The following TAPT1 variants were observed in gnomAD, a reference collection of about 807,000 sequenced individuals.
TAPT1 encodes the protein transmembrane anterior posterior transformation 1.
TAPT1 carries 28 observed loss-of-function variants against 65.6 expected under a neutral mutation model. The ratio of observed to expected loss-of-function variants is 0.43; its 90% CI spans 0.32 to 0.59. The LOEUF (loss-of-function observed/expected upper bound fraction) is 0.59. Ranked by LOEUF, TAPT1 falls within the 20% of genes least tolerant of loss-of-function variation. The probability of loss-of-function intolerance (pLI) is 0.09; values close to 1 mark genes in which losing one functional copy is unlikely to be tolerated. For synonymous variants in TAPT1, 278 were observed against 245.2 expected (o/e 1.13, Z -1.25); for missense variants, 563 against 679.9 (o/e 0.83, Z 1.91).
chr4:16,181,601 T>A (rs572345013), intron 7 of TAPT1, among the ~76,000 whole-genome samples: 85 of 152,366 alleles, frequency 5.6e-4, no homozygotes, highest in African/African-American at 2.0e-3. Context: ...AAGATTTTTT[T>A]ATTTTTTTGA....
At chr4:16,215,861 G>C (rs1316691336) in intron 1 of TAPT1, among the ~76,000 whole-genome samples, 2 of 152,094 alleles carry the variant, frequency 1.3e-5, no homozygotes, top group African/African-American at 4.8e-5. Context: ...TTCAAGGTGA[G>C]AAAAAGAAAA....
intron 3 of TAPT1, among the ~76,000 whole-genome samples, chr4:16,199,739 G>C (rs1333915204): frequency 6.6e-6 from 1 of 152,046 alleles, no homozygotes; most frequent in Admixed American, 6.6e-5. Flanking sequence ...CTACATGTAT[G>C]TGCCACCACA....
chr4:16,184,876 T>A (rs1748910510), intron 7 of TAPT1, among the ~76,000 whole-genome samples: 2 of 152,260 alleles, frequency 1.3e-5, no homozygotes, highest in Admixed American at 6.5e-5. Flanking sequence ...ACAAAATCTA[T>A]CGTCAGATAT....
At chr4:16,217,393 G>A (rs114549323) in intron 1 of TAPT1, among the ~76,000 whole-genome samples, 1,727 of 152,198 alleles carry the variant, frequency 0.011, 16 homozygotes, top group Middle Eastern at 0.017. Context: ...AAATGGAAAG[G>A]GAAGTGACTA....
chr4:16,215,687 G>C (rs1445261666), intron 1 of TAPT1, among the ~76,000 whole-genome samples: 1 of 152,188 alleles, frequency 6.6e-6, no homozygotes, highest in Admixed American at 6.5e-5. Context: ...TACAGTTGAA[G>C]TCACATGGGT....
chr4:16,179,546 A>G, intron 8 of TAPT1, 31 bp downstream of exon 8: 2 of 1,341,076 alleles, frequency 1.5e-6, no homozygotes, highest in Non-Finnish European at 2.0e-6. Flanking sequence ...AAGTAAAATT[A>G]TAAGACACTG....
intron 1 of TAPT1, among the ~76,000 whole-genome samples, chr4:16,224,810 C>G (rs543627854): frequency 2.4e-4 from 36 of 152,326 alleles, no homozygotes; most frequent in African/African-American, 7.7e-4. Context: ...AGTGATACTG[C>G]AAGCTCAAGA....
Position 16,163,160 on chromosome 4 carries a change from C to T in TAPT1, c.*148G>A, listed in dbSNP as rs534391578. 1.4e-6 allele frequency: 1 copy of T among 689,870 alleles called. No individual in the cohort carries two copies. Among genetic ancestry groups the T allele is most frequent in the South Asian group, 1.7e-5 (1 of 59,036 alleles). 42.7% of individuals were successfully genotyped at this position (689,870 alleles called of 1,614,324 possible). A position where few individuals can be genotyped will look rare whatever the true frequency, so the allele number is the denominator to read the frequency against. On this transcript the variant is annotated 3_prime_UTR_variant, in exon 14 of 14. Coordinates refer to ENST00000405303, the MANE Select transcript of TAPT1 (RefSeq NM_153365.3). The stretch of plus-strand genomic sequence containing the variant: ...TCTGACCCTCAGCCAGGCCATATTA[C>T]TGGAAGAAAGATACTAAGATTTGCT...
At chr4:16,224,637 A>T (rs1751444411) in intron 1 of TAPT1, among the ~76,000 whole-genome samples, 1 of 152,188 alleles carries the variant, frequency 6.6e-6, no homozygotes, top group Non-Finnish European at 1.5e-5. Context: ...CAACAGCTAA[A>T]CCTGGAGGCA....
rs1253199742 is a variant in TAPT1, at chr4:16,161,630, A to G, written c.*1678T>C. ...ATGGGGCTCCATTAAAACACACACA[A>G]AGCAATTAAAACCTTTTTCATTTTT... On this transcript the variant is annotated 3_prime_UTR_variant, in exon 14 of 14. Transcript: ENST00000405303. 1 of 152,602 alleles carries G rather than the reference A, an allele frequency of 6.6e-6. No individual in the cohort carries two copies. The highest frequency in any genetic ancestry group is 6.5e-5 in the Admixed American group (1 of 15,302). The allele number at this position is 152,602 out of a possible 1,614,324, so 9.5% of individuals were successfully genotyped here.
At chr4:16,194,924 G>T (rs1749610367) in intron 3 of TAPT1, among the ~76,000 whole-genome samples, 1 of 149,858 alleles carries the variant, frequency 6.7e-6, no homozygotes, top group Admixed American at 6.6e-5. Context: ...TACAGACAGG[G>T]TTTCACCATG....
chr4:16,194,717 C>A (rs1486751455), intron 3 of TAPT1, among the ~76,000 whole-genome samples: 1 of 151,920 alleles, frequency 6.6e-6, no homozygotes, highest in Non-Finnish European at 1.5e-5. Context: ...TTCTGTGCAC[C>A]CCCTGCTCTG....
At chr4:16,220,860 A>T (rs535629165) in intron 1 of TAPT1, among the ~76,000 whole-genome samples, 1 of 151,672 alleles carries the variant, frequency 6.6e-6, no homozygotes, top group African/African-American at 2.4e-5. Flanking sequence ...ACAGGGTCTC[A>T]CTCTGTTGCC....
At chr4:16,178,634 T>C (rs1748502526) in intron 8 of TAPT1, among the ~76,000 whole-genome samples, 1 of 152,164 alleles carries the variant, frequency 6.6e-6, no homozygotes, top group Admixed American at 6.5e-5. Flanking sequence ...TGTCGTAGTA[T>C]TTTTTACATT....
chr4:16,172,368 A>G (rs965287440), intron 11 of TAPT1, among the ~76,000 whole-genome samples: 1 of 152,110 alleles, frequency 6.6e-6, no homozygotes, highest in African/African-American at 2.4e-5. Context: ...AAAAAAAAAA[A>G]ATTCAGGCCT....
At chr4:16,193,354 T>C (rs114554343) in intron 3 of TAPT1, among the ~76,000 whole-genome samples, 2,538 of 152,316 alleles carry the variant, frequency 0.017, 77 homozygotes, top group African/African-American at 0.057. Flanking sequence ...TCAGGAAAGA[T>C]TGCATCACGG....
upstream of TAPT1, chr4:16,227,111 C>T (rs1158061423): frequency 2.2e-6 from 1 of 455,538 alleles, no homozygotes; most frequent in East Asian, 7.0e-5. Flanking sequence ...ATTCCCTGGC[C>T]TCTGAGTGTC....
upstream of TAPT1, chr4:16,227,272 G>T: frequency 2.2e-6 from 1 of 455,514 alleles, no homozygotes; most frequent in Non-Finnish European, 4.4e-6. Context: ...CGGGACTGGG[G>T]TTAGGAGACA....
At chr4:16,166,599 G>C in intron 13 of TAPT1, 34 bp downstream of exon 13, 1 of 1,602,934 alleles carries the variant, frequency 6.2e-7, no homozygotes, top group Non-Finnish European at 8.5e-7. Flanking sequence ...CTTTGAAAAT[G>C]ATCCAGGGAA....
Sources: gnomAD v4.1 joint callset for allele counts (sites outside exome capture counted in the v4.1 genomes callset) on GRCh38, gnomAD v4.1.1 for gene constraint, MANE v1.5 for transcripts, NCBI Gene and HGNC (gene_info 2026-07-23, HGNC 2026-07-21) for gene names.